Variants in ENO4 observed in about 807,000 individuals in gnomAD.
ENO4 encodes enolase 4.
In ENO4, 53 loss-of-function variants were observed where a neutral mutation model predicts 63.2. That is an observed-to-expected ratio of 0.84 (90% CI 0.67 to 1.05). The LOEUF (loss-of-function observed/expected upper bound fraction) is 1.05. ENO4 is among the 50% of genes least tolerant of loss of function. The pLI is 0.00. For missense variants in ENO4, 719 were observed against 772.0 expected (o/e 0.93, Z 0.81); for synonymous variants, 266 against 283.8 (o/e 0.94, Z 0.63).
downstream of ENO4, chr10:116,884,499 T>G (rs1589770689): frequency 3.0e-6 from 1 of 335,146 alleles, no homozygotes; most frequent in Non-Finnish European, 5.9e-6. Flanking sequence ...GGGCAACTTC[T>G]TACTCTAGAA....
At chr10:116,902,998 C>A (rs971517885) in intron 10 of ENO4, among the ~76,000 whole-genome samples, 4 of 152,092 alleles carry the variant, frequency 2.6e-5, no homozygotes, top group African/African-American at 9.7e-5. Flanking sequence ...AGTATAATAG[C>A]GTAACATATC....
At chr10:116,865,157 A>T (rs944740841) in intron 7 of ENO4, among the ~76,000 whole-genome samples, 1 of 152,080 alleles carries the variant, frequency 6.6e-6, no homozygotes, top group Admixed American at 6.5e-5. Flanking sequence ...ATATCTAGGA[A>T]TTCTTTACAT....
intron 10 of ENO4, among the ~76,000 whole-genome samples, chr10:116,907,536 C>T (rs1293831723): frequency 6.6e-6 from 1 of 152,160 alleles, no homozygotes; most frequent in African/African-American, 2.4e-5. Context: ...AAGTATGTTA[C>T]AGAGTGAGAG....
chr10:116,884,266 C>A (rs1264567231), downstream of ENO4: 3 of 459,160 alleles, frequency 6.5e-6, no homozygotes, highest in Admixed American at 7.0e-5. Flanking sequence ...GACAGTGTCA[C>A]CCCAGCCAGG....
chr10:116,875,984 T>C (rs1846822294), intron 10 of ENO4, 81 bp from the exon 11 acceptor site: 1 of 1,059,820 alleles, frequency 9.4e-7, no homozygotes, highest in Admixed American at 3.7e-5. Context: ...TGTGTGAGCT[T>C]GAGTATGTGC....
chr10:116,911,713 T>C, exon 11 of ENO4: 3 of 1,582,162 alleles, frequency 1.9e-6, no homozygotes, highest in Non-Finnish European at 1.7e-6. Context: ...CCACAAACAA[T>C]TCACAAAAAA....
chr10:116,902,500 A>G (rs182935002), intron 10 of ENO4, among the ~76,000 whole-genome samples: 22 of 152,320 alleles, frequency 1.4e-4, no homozygotes, highest in Non-Finnish European at 2.4e-4. Flanking sequence ...AAATCATAAA[A>G]ATTAAGTGGG....
chr10:116,875,249 T>C (rs1035846645), intron 10 of ENO4, among the ~76,000 whole-genome samples: 1 of 151,996 alleles, frequency 6.6e-6, no homozygotes, highest in African/African-American at 2.4e-5. Context: ...ACATCCTCCT[T>C]TTCACAACCT....
intron 1 of ENO4, among the ~76,000 whole-genome samples, chr10:116,854,068 C>G (rs1337313210): frequency 2.0e-5 from 3 of 152,196 alleles, no homozygotes; most frequent in Non-Finnish European, 2.9e-5. Flanking sequence ...CTTTCTATCT[C>G]AGCTTCTCTT....
chr10:116,880,050 G>C, intron 13 of ENO4, 64 bp downstream of exon 13: 1 of 1,299,916 alleles, frequency 7.7e-7, no homozygotes, highest in Admixed American at 2.1e-5. Context: ...GATTGGAAGA[G>C]GGGGAATAGA....
At chr10:116,874,888 G>T (rs1846785749) in intron 10 of ENO4, among the ~76,000 whole-genome samples, 1 of 152,104 alleles carries the variant, frequency 6.6e-6, no homozygotes, top group African/African-American at 2.4e-5. Context: ...TGCCCAGGCT[G>T]GTCTCCAGCT....
At chr10:116,870,287 G>A (rs1322420094) in intron 8 of ENO4, among the ~76,000 whole-genome samples, 15 of 152,180 alleles carry the variant, frequency 9.9e-5, no homozygotes, top group Admixed American at 9.8e-4. Context: ...CTTTGCAGTA[G>A]CTGTCTTTCC....
At chr10:116,899,686 C>G (rs1421436434) in intron 10 of ENO4, among the ~76,000 whole-genome samples, 1 of 152,156 alleles carries the variant, frequency 6.6e-6, no homozygotes, top group Non-Finnish European at 1.5e-5. Flanking sequence ...GGTGTTGCCA[C>G]AGACAAAATA....
intron 1 of ENO4, among the ~76,000 whole-genome samples, chr10:116,853,979 CCTT>C (rs1473361756): frequency 1.3e-5 from 2 of 152,182 alleles, no homozygotes; most frequent in Non-Finnish European, 2.9e-5. Flanking sequence ...CACCTTCCCT[CCTT>C]CTAGTCTCTC....
chr10:116,860,272 A>G (rs4752015), intron 4 of ENO4, among the ~76,000 whole-genome samples: 48,385 of 152,100 alleles, frequency 0.32, 8,145 homozygotes, highest in East Asian at 0.43. Context: ...AATGTGGGTC[A>G]ATGATTGGAT....
chr10:116,905,430 A>C (rs1589793522), intron 10 of ENO4, among the ~76,000 whole-genome samples: 1 of 152,116 alleles, frequency 6.6e-6, no homozygotes, highest in Non-Finnish European at 1.5e-5. Context: ...AGGAGGGGAG[A>C]ATCTTTGTAA....
chr10:116,903,709 T>C (rs572318316), intron 10 of ENO4, among the ~76,000 whole-genome samples: 27 of 152,192 alleles, frequency 1.8e-4, no homozygotes, highest in African/African-American at 2.7e-4. Flanking sequence ...TGGGTAAGCG[T>C]TGACTACAAT....
intron 13 of ENO4, among the ~76,000 whole-genome samples, chr10:116,880,930 T>A (rs992064772): frequency 1.2e-4 from 19 of 152,178 alleles, no homozygotes; most frequent in African/African-American, 4.6e-4. Flanking sequence ...GCTCCACCCC[T>A]CTGTGGTGAC....
chr10:116,871,504 T>C (rs1846694426), intron 9 of ENO4, among the ~76,000 whole-genome samples: 1 of 152,202 alleles, frequency 6.6e-6, no homozygotes, highest in African/African-American at 2.4e-5. Context: ...ATAGAAAATG[T>C]CATTATTATA....
Sources: gnomAD v4.1 joint callset for allele counts (sites outside exome capture counted in the v4.1 genomes callset) on GRCh38, gnomAD v4.1.1 for gene constraint, MANE v1.5 for transcripts, NCBI Gene and HGNC (gene_info 2026-07-23, HGNC 2026-07-21) for gene names.